The following RAD51C variants were observed in gnomAD, a reference collection of about 807,000 sequenced individuals.
RAD51C encodes the protein RAD51 paralog C, also known as DNA repair protein RAD51 homolog 3.
Under a neutral mutation model 45.0 loss-of-function variants are expected in RAD51C, and 42 were observed. That is an observed-to-expected ratio of 0.93 (90% CI 0.73 to 1.21). The LOEUF (loss-of-function observed/expected upper bound fraction) is 1.21, where lower values mean the gene tolerates loss of function less well. RAD51C is among the 50% of genes most tolerant of loss of function. RAD51C has a pLI of 0.00. For missense variants in RAD51C, 474 were observed against 452.2 expected (o/e 1.05, Z -0.44); for synonymous variants, 172 against 159.8 (o/e 1.08, Z -0.58).
intron 5 of RAD51C, among the ~76,000 whole-genome samples, chr17:58,716,327 C>T (rs1468240334): frequency 6.6e-6 from 1 of 152,162 alleles, no homozygotes; most frequent in Non-Finnish European, 1.5e-5. Context: ...TAAGTACTCT[C>T]TCTAAACCAG....
At chr17:58,724,214 T>G in intron 7 of RAD51C, 114 bp downstream of exon 7, 1 of 1,014,674 alleles carries the variant, frequency 9.9e-7, no homozygotes, top group South Asian at 1.4e-5. Flanking sequence ...ACCCATGAAG[T>G]GACACTTTTG....
chr17:58,720,927 A>T (rs2048899045), intron 6 of RAD51C, 115 bp downstream of exon 6: 1 of 866,288 alleles, frequency 1.2e-6, no homozygotes, highest in South Asian at 1.4e-5. Flanking sequence ...TGTCTTGTTC[A>T]CTGGTTAATC....
At position 58,724,527 on chromosome 17, in the gene RAD51C, T is replaced by C. The variant is rs370538736; in HGVS notation, c.965+427T>C. Among the ~76,000 whole-genome samples the C allele has an allele frequency of 9.9e-4, 150 of 152,204 alleles. 2 individuals carry two copies. The South Asian group carries it at 0.027, about 27-fold the overall frequency. On this transcript the variant is annotated intron_variant, in intron 7 of 8. Transcript: ENST00000337432. ...ATTTGGAACATACGATGGTTTCTCT[T>C]ATTTGCTTAGTATATTTCTTGTATG... is the stretch of plus-strand genomic sequence containing the variant.
At chr17:58,714,734 C>T (rs949154214) in intron 5 of RAD51C, among the ~76,000 whole-genome samples, 1 of 152,044 alleles carries the variant, frequency 6.6e-6, no homozygotes, top group African/African-American at 2.4e-5. Flanking sequence ...TGGGATTATA[C>T]GCGTGAGCCA....
At chr17:58,711,190 C>G (rs1041513344) in intron 5 of RAD51C, among the ~76,000 whole-genome samples, 3 of 152,012 alleles carry the variant, frequency 2.0e-5, no homozygotes, top group Admixed American at 2.0e-4. Flanking sequence ...TGCATAGTTC[C>G]TTATGTTTTT....
intron 3 of RAD51C, 141 bp downstream of exon 3, chr17:58,697,000 ACTGTTACAAAATGAGAAATGCCACAGC>A: frequency 9.6e-7 from 1 of 1,042,690 alleles, no homozygotes. Flanking sequence ...CTCTTTTACT[ACTGTTACAAAATGAGAAATGCCACAGC>A]CTGGACTGGC....
At chr17:58,709,083 TTTGAA>T (rs1280230682) in intron 4 of RAD51C, among the ~76,000 whole-genome samples, 21 of 148,528 alleles carry the variant, frequency 1.4e-4, no homozygotes, top group Admixed American at 1.0e-3. Flanking sequence ...CCTTTTTCTT[TTTGAA>T]TTACTTTTTT....
chr17:58,702,233 C>G (rs1000960610), intron 3 of RAD51C, among the ~76,000 whole-genome samples: 1 of 151,800 alleles, frequency 6.6e-6, no homozygotes, highest in Non-Finnish European at 1.5e-5. Context: ...ATTTGTAGTC[C>G]TATAGAAAAA....
At chr17:58,715,979 C>T (rs554699620) in intron 5 of RAD51C, among the ~76,000 whole-genome samples, 19 of 152,062 alleles carry the variant, frequency 1.2e-4, no homozygotes, top group Non-Finnish European at 1.6e-4. Context: ...GTGGGGGACA[C>T]CTGTAATCCT....
At chr17:58,708,651 A>G (rs1471665634) in intron 4 of RAD51C, among the ~76,000 whole-genome samples, 1 of 150,764 alleles carries the variant, frequency 6.6e-6, no homozygotes, top group Non-Finnish European at 1.5e-5. Flanking sequence ...GGGGATCTTA[A>G]GGTTTATATA....
chr17:58,729,272 C>T (rs1431289875), intron 7 of RAD51C, among the ~76,000 whole-genome samples: 1 of 152,200 alleles, frequency 6.6e-6, no homozygotes, highest in East Asian at 1.9e-4. Context: ...GGCTGGAGTG[C>T]AGTGGCGCAA....
intron 3 of RAD51C, among the ~76,000 whole-genome samples, chr17:58,697,651 T>C (rs1297087015): frequency 6.6e-6 from 1 of 152,046 alleles, no homozygotes; most frequent in Non-Finnish European, 1.5e-5. Context: ...CTGCACTAAT[T>C]GTTAAAGTGT....
chr17:58,719,004 C>T (rs567297400), intron 5 of RAD51C, among the ~76,000 whole-genome samples: 1 of 152,238 alleles, frequency 6.6e-6, no homozygotes, highest in African/African-American at 2.4e-5. Flanking sequence ...GGGTGGATCA[C>T]TTGAGGTCAG....
chr17:58,727,997 C>G (rs1223599290), intron 7 of RAD51C, among the ~76,000 whole-genome samples: 1 of 150,816 alleles, frequency 6.6e-6, no homozygotes, highest in Non-Finnish European at 1.5e-5. Context: ...AATCCCAGCA[C>G]TTTGGGAGGC....
intron 2 of RAD51C, chr17:58,695,407 G>T (rs772707392): frequency 7.8e-7 from 1 of 1,277,720 alleles, no homozygotes; most frequent in Admixed American, 3.4e-5. Flanking sequence ...TGTTTCTTTT[G>T]CAAATTGTAC....
chr17:58,697,515 AAC>A (rs1262804573), intron 3 of RAD51C, among the ~76,000 whole-genome samples: 4 of 148,978 alleles, frequency 2.7e-5, no homozygotes, highest in Non-Finnish European at 5.9e-5. Flanking sequence ...CAGCCTAGGC[AAC>A]AGAGTGAGAC....
chr17:58,700,967 A>G (rs62081314), intron 3 of RAD51C, among the ~76,000 whole-genome samples: 28,072 of 152,012 alleles, frequency 0.18, 2,772 homozygotes, highest in Non-Finnish European at 0.21. Context: ...CATGATCACA[A>G]TTCACTGCAG....
At chr17:58,728,672 A>G (rs1454286684) in intron 7 of RAD51C, among the ~76,000 whole-genome samples, 3 of 152,146 alleles carry the variant, frequency 2.0e-5, no homozygotes, top group South Asian at 4.1e-4. Context: ...TACTGGGATT[A>G]TAGGCGTGAG....
At chr17:58,708,987 T>C (rs1433113211) in intron 4 of RAD51C, among the ~76,000 whole-genome samples, 1 of 152,168 alleles carries the variant, frequency 6.6e-6, no homozygotes, top group Non-Finnish European at 1.5e-5. Flanking sequence ...TTTAAGCCTT[T>C]TCAGAATGTT....
Sources: allele counts gnomAD v4.1 joint callset (sites outside exome capture counted in the v4.1 genomes callset), GRCh38; gene constraint gnomAD v4.1.1; transcripts MANE v1.5; gene names NCBI Gene and HGNC (gene_info 2026-07-23, HGNC 2026-07-21).